Variants in NCKAP5 observed in about 807,000 individuals in gnomAD.
NCKAP5 encodes nck-associated protein 5.
NCKAP5 carries 92 observed loss-of-function variants against 167.0 expected under a neutral mutation model. That is an observed-to-expected ratio of 0.55 (90% CI 0.47 to 0.66). The LOEUF is 0.66. Among genes scored for constraint, NCKAP5 ranks in the 30% least tolerant of loss-of-function variants. NCKAP5 has a pLI of 0.00. For missense variants in NCKAP5, 2,378 were observed against 2,315.0 expected (o/e 1.03, Z -0.56); for synonymous variants, 891 against 877.4 (o/e 1.02, Z -0.27).
At chr2:133,548,540 C>T (rs1385790285) in intron 2 of NCKAP5, among the ~76,000 whole-genome samples, 9 of 151,918 alleles carry the variant, frequency 5.9e-5, no homozygotes, top group South Asian at 4.2e-4. Context: ...TCGGCAGAAA[C>T]CCTACAAGCC....
intron 8 of NCKAP5, among the ~76,000 whole-genome samples, chr2:132,935,365 C>T (rs780519719): frequency 2.6e-5 from 4 of 152,200 alleles, no homozygotes; most frequent in Non-Finnish European, 5.9e-5. Context: ...TCTGAACATA[C>T]GGCAGCTTGA....
At chr2:133,592,571 A>G in the NCKAP5 span, among the ~76,000 whole-genome samples, 1 of 152,232 alleles carries the variant, frequency 6.6e-6, no homozygotes, top group Admixed American at 6.5e-5. Context: ...GGATACCAAC[A>G]ACAATTTGAT....
At chr2:132,756,745 C>T (rs910447487) in intron 16 of NCKAP5, among the ~76,000 whole-genome samples, 2 of 152,074 alleles carry the variant, frequency 1.3e-5, no homozygotes, top group East Asian at 1.9e-4. Flanking sequence ...TTTGGAAATG[C>T]GACACATTCA....
chr2:132,799,657 T>G (rs1684876184), intron 11 of NCKAP5, among the ~76,000 whole-genome samples: 1 of 152,162 alleles, frequency 6.6e-6, no homozygotes, highest in African/African-American at 2.4e-5. Context: ...CACGAATGAA[T>G]CATTCATTGT....
intron 5 of NCKAP5, among the ~76,000 whole-genome samples, chr2:133,136,480 G>T (rs751347192): frequency 5.9e-5 from 9 of 152,162 alleles, no homozygotes; most frequent in Non-Finnish European, 1.2e-4. Context: ...GTCCTGCCTC[G>T]TTGAGTGTCA....
At chr2:132,749,783 C>T (rs1442776037) in intron 16 of NCKAP5, among the ~76,000 whole-genome samples, 1 of 152,004 alleles carries the variant, frequency 6.6e-6, no homozygotes, top group African/African-American at 2.4e-5. Context: ...CCACGCAGGA[C>T]AGTGTTTCAA....
intron 7 of NCKAP5, among the ~76,000 whole-genome samples, chr2:132,986,631 AT>A (rs2077296747): frequency 6.6e-6 from 1 of 152,236 alleles, no homozygotes; most frequent in African/African-American, 2.4e-5. Context: ...GCAAATATAC[AT>A]TTTATACTAA....
At chr2:133,459,151 C>A (rs1692038927) in intron 3 of NCKAP5, among the ~76,000 whole-genome samples, 1 of 152,130 alleles carries the variant, frequency 6.6e-6, no homozygotes, top group South Asian at 2.1e-4. Flanking sequence ...TGGCATCTGG[C>A]TAAGGAAGGA....
intron 8 of NCKAP5, among the ~76,000 whole-genome samples, chr2:132,950,836 A>C (rs555576563): frequency 2.0e-5 from 3 of 152,268 alleles, no homozygotes; most frequent in African/African-American, 7.2e-5. Context: ...TTAGTATTTT[A>C]TGAGATTACC....
chr2:133,453,908 C>T (rs1357003714), intron 3 of NCKAP5, among the ~76,000 whole-genome samples: 2 of 151,664 alleles, frequency 1.3e-5, no homozygotes, highest in Non-Finnish European at 2.9e-5. Flanking sequence ...AGTTTTGAGC[C>T]CCCCCACCAC....
chr2:133,408,295 G>A (rs1268187017), intron 3 of NCKAP5, among the ~76,000 whole-genome samples: 1 of 152,154 alleles, frequency 6.6e-6, no homozygotes, highest in African/African-American at 2.4e-5. Flanking sequence ...ACTACTGCTT[G>A]TATAATGGAT....
intron 9 of NCKAP5, among the ~76,000 whole-genome samples, chr2:132,870,528 T>C (rs942227897): frequency 6.6e-6 from 1 of 152,126 alleles, no homozygotes; most frequent in Admixed American, 6.6e-5. Flanking sequence ...GATTGGGCCA[T>C]GGTCCTTGAC....
chr2:132,688,543 A>T (rs1396511520), intron 19 of NCKAP5, among the ~76,000 whole-genome samples: 1 of 152,190 alleles, frequency 6.6e-6, no homozygotes, highest in Non-Finnish European at 1.5e-5. Context: ...CCATTTTCAA[A>T]CATGTCTCAG....
intron 6 of NCKAP5, among the ~76,000 whole-genome samples, chr2:133,025,237 G>C (rs1330741449): frequency 6.6e-6 from 1 of 152,114 alleles, no homozygotes; most frequent in Non-Finnish European, 1.5e-5. Context: ...TTCCTACATT[G>C]GGGAAAATGA....
At chr2:132,701,248 G>T (rs530951707) in intron 19 of NCKAP5, among the ~76,000 whole-genome samples, 2 of 152,012 alleles carry the variant, frequency 1.3e-5, no homozygotes, top group Non-Finnish European at 2.9e-5. Context: ...CATCTTGTAG[G>T]GTTTCCACTG....
chr2:132,984,179 A>T (rs2077219785), intron 7 of NCKAP5, among the ~76,000 whole-genome samples: 1 of 152,130 alleles, frequency 6.6e-6, no homozygotes. Context: ...GTTGACTGAT[A>T]CTCACAATCA....
In NCKAP5 at chr2:133,386,493, G is replaced by A. The variant is rs1407113619; in HGVS notation, c.70-83383C>T. On this transcript the variant is annotated intron_variant, in intron 3 of 19. Transcript: ENST00000409261. ...CTATGTGGACAATTTTGGAATAGGT[G>A]TGGTGTGGTGCTGAGAAGAATGTAC... 2.6e-5 allele frequency among the ~76,000 whole-genome samples: 4 copies of A among 152,224 alleles called. No homozygotes were observed. The East Asian group carries it at 5.8e-4, about 22-fold the overall frequency.
intron 19 of NCKAP5, among the ~76,000 whole-genome samples, chr2:132,716,638 C>T (rs1689396460): frequency 6.6e-6 from 1 of 152,072 alleles, no homozygotes; most frequent in Non-Finnish European, 1.5e-5. Flanking sequence ...GGGTGACAAA[C>T]TCTGGGGGGC....
At chr2:132,907,075 G>T (rs2148934884) in intron 8 of NCKAP5, among the ~76,000 whole-genome samples, 1 of 152,280 alleles carries the variant, frequency 6.6e-6, no homozygotes, top group Non-Finnish European at 1.5e-5. Context: ...ATATGCAAGA[G>T]CAGAAACATA....
Sources: gnomAD v4.1 joint callset for allele counts (sites outside exome capture counted in the v4.1 genomes callset) on GRCh38, gnomAD v4.1.1 for gene constraint, MANE v1.5 for transcripts, NCBI Gene and HGNC (gene_info 2026-07-23, HGNC 2026-07-21) for gene names.